The following XIRP2 variants were observed in gnomAD, a reference collection of about 807,000 sequenced individuals.
XIRP2 encodes xin actin-binding repeat-containing protein 2.
XIRP2 carries 236 observed loss-of-function variants against 277.0 expected under a neutral mutation model. The ratio of observed to expected loss-of-function variants is 0.85; its 90% CI spans 0.77 to 0.95. The LOEUF (loss-of-function observed/expected upper bound fraction) is 0.95, where lower values mean the gene tolerates loss of function less well. Among genes scored for constraint, XIRP2 ranks in the 40% least tolerant of loss-of-function variants. XIRP2 has a pLI of 0.00. For missense variants in XIRP2, 4,640 were observed against 4,157.5 expected, an observed-to-expected ratio of 1.12 and a Z score of -3.19; for synonymous variants, 1,490 against 1,416.5, an observed-to-expected ratio of 1.05 and a Z score of -1.17.
chr2:166,910,816 T>C (rs1040538361), intron 2 of XIRP2, among the ~76,000 whole-genome samples: 2 of 152,224 alleles, frequency 1.3e-5, no homozygotes, highest in African/African-American at 4.8e-5. Context: ...TGTTGTGTCT[T>C]TGTTCTCATT....
intron 2 of XIRP2, among the ~76,000 whole-genome samples, chr2:166,909,969 A>T (rs1220760803): frequency 6.6e-6 from 1 of 152,138 alleles, no homozygotes; most frequent in Non-Finnish European, 1.5e-5. Flanking sequence ...AGCCCACTTG[A>T]TCATGGTGGA....
At chr2:167,100,225 CAT>C (rs1446360493) in intron 2 of XIRP2, among the ~76,000 whole-genome samples, 1 of 151,174 alleles carries the variant, frequency 6.6e-6, no homozygotes, top group African/African-American at 2.4e-5. Context: ...AATTTAAAAA[CAT>C]ATAATTTATG....
chr2:167,027,942 T>G (rs561257862), intron 2 of XIRP2, among the ~76,000 whole-genome samples: 1 of 152,164 alleles, frequency 6.6e-6, no homozygotes, highest in Non-Finnish European at 1.5e-5. Flanking sequence ...AATAGTCATG[T>G]CAATAAATGT....
Position 167,134,023 on chromosome 2 carries a change from G to T in XIRP2, c.409-1886G>T, listed in dbSNP as rs554753512. ...GCAATTGTTTTTAGCTTCAGTTAAA[G>T]TTCACTCTAATGAAGACAGCATACA... On this transcript the variant is annotated intron_variant, in intron 2 of 10. Transcript: ENST00000409195. Among the ~76,000 whole-genome samples, 127 of 152,068 alleles carry T rather than the reference G, an allele frequency of 8.4e-4. 1 individual carries two copies. Among genetic ancestry groups the T allele is most frequent in the South Asian group, 8.3e-3 (40 of 4,822 alleles).
chr2:167,249,160 C>G lies in XIRP2; in HGVS notation c.7768C>G (p.Gln2590Glu). Residue 2590 changes from glutamine (Q) to glutamate (E), a missense_variant, in exon 9 of 11, where the codon CAA (glutamine) becomes GAA (glutamate). Gln to Glu is a conservative substitution (Grantham distance 29, BLOSUM62 2). Coordinates refer to ENST00000409195, the MANE Select transcript of XIRP2 (RefSeq NM_152381.6). ...AGAGGTGGAAAAGGAAATGCCATTA[C>G]AAAAAACCAATGAGGAGGTTTCCCT... is the stretch of plus-strand genomic sequence containing the variant. Reference protein sequence around the residue: ...ITEVEKEMPLQKTNEEVSLSG... With the variant: ...ITEVEKEMPLEKTNEEVSLSG... The G allele has an allele frequency of 6.2e-7, 1 of 1,613,628 alleles. No homozygotes were observed. Among genetic ancestry groups the G allele is most frequent in the East Asian group, 2.2e-5 (1 of 44,840 alleles).
chr2:167,159,766 T>A (rs1692309220), intron 3 of XIRP2, among the ~76,000 whole-genome samples: 1 of 152,214 alleles, frequency 6.6e-6, no homozygotes, highest in Admixed American at 6.5e-5. Flanking sequence ...TTCAACATGC[T>A]TAGGACATAA....
chr2:166,891,051 C>A (rs747635650), intron 1 of XIRP2, among the ~76,000 whole-genome samples: 7 of 152,062 alleles, frequency 4.6e-5, no homozygotes, highest in African/African-American at 7.2e-5. Context: ...TGCTATCTGG[C>A]GACGTATGTC....
rs1159166437 is a variant in XIRP2 at position 167,242,935 on chromosome 2, A to T, written c.1543A>T (p.Lys515Ter). Residue 515 changes from lysine to a stop codon, truncating the protein, a stop_gained, in exon 9 of 11, where the codon AAA becomes TAA. Coordinates refer to ENST00000409195, the MANE Select transcript of XIRP2 (RefSeq NM_152381.6). LOFTEE classifies it high-confidence loss of function. ...IHPELRKNLE[K>*]DYISEVSEIV... The stretch of plus-strand genomic sequence containing the variant: ...TCCTGAGTTAAGAAAAAACTTAGAA[A>T]AAGATTATATCAGTGAAGTTTCTGA... The T allele has an allele frequency of 6.2e-7, 1 of 1,613,440 alleles. No individual in the cohort carries two copies.
intron 3 of XIRP2, among the ~76,000 whole-genome samples, chr2:167,141,515 G>A (rs1691717397): frequency 6.6e-6 from 1 of 152,158 alleles, no homozygotes; most frequent in Non-Finnish European, 1.5e-5. Context: ...TAGTGGGAAT[G>A]GTGCATGATG....
rs149107544 is a variant in XIRP2, at chr2:167,215,004, C to T, written c.724-3162C>T. On this transcript the variant is annotated intron_variant, in intron 4 of 10. Coordinates refer to ENST00000409195, the MANE Select transcript of XIRP2 (RefSeq NM_152381.6). ...TACTAAGGCTTGCCAGATTAATTTG[C>T]ACATGATTGGGACATCAGAATAGTT... is the stretch of plus-strand genomic sequence containing the variant. 4.0e-4 allele frequency among the ~76,000 whole-genome samples: 61 copies of T among 152,300 alleles called. No individual in the cohort carries two copies. In the East Asian group the frequency reaches 0.011, roughly 28 times the overall value.
intron 2 of XIRP2, among the ~76,000 whole-genome samples, chr2:166,940,100 T>G (rs1223072215): frequency 6.6e-6 from 1 of 152,198 alleles, no homozygotes; most frequent in Non-Finnish European, 1.5e-5. Context: ...GACTTAGATT[T>G]TTTCTTTCAC....
chr2:167,079,175 T>G (rs1435032124), intron 2 of XIRP2, among the ~76,000 whole-genome samples: 2 of 152,252 alleles, frequency 1.3e-5, no homozygotes, highest in African/African-American at 4.8e-5. Context: ...GATTTGCATA[T>G]GTTGAACCAA....
At chr2:166,913,479 G>A (rs538495774) in intron 2 of XIRP2, among the ~76,000 whole-genome samples, 6 of 152,174 alleles carry the variant, frequency 3.9e-5, no homozygotes, top group Non-Finnish European at 7.4e-5. Context: ...CTTCTGTGTC[G>A]CTCACGCTGG....
intron 2 of XIRP2, among the ~76,000 whole-genome samples, chr2:166,938,158 G>C (rs571623255): frequency 6.6e-6 from 1 of 152,030 alleles, no homozygotes; most frequent in Non-Finnish European, 1.5e-5. Flanking sequence ...GTTTGCTCTT[G>C]CTTTTCTAGT....
At chr2:167,022,967 C>T (rs1351308025) in intron 2 of XIRP2, among the ~76,000 whole-genome samples, 1 of 152,046 alleles carries the variant, frequency 6.6e-6, no homozygotes, top group Non-Finnish European at 1.5e-5. Context: ...TGGGTATATA[C>T]CCAGTAATGG....
intron 2 of XIRP2, among the ~76,000 whole-genome samples, chr2:166,910,520 T>A (rs539354925): frequency 6.2e-4 from 95 of 152,290 alleles, no homozygotes; most frequent in Middle Eastern, 3.4e-3. Flanking sequence ...TTTATTAGTC[T>A]TGCTGATGGT....
chr2:167,164,395 A>C lies in XIRP2; in HGVS notation c.562+28333A>C, dbSNP rs557007265. Among the ~76,000 whole-genome samples, 5 of 150,012 alleles carry C rather than the reference A, an allele frequency of 3.3e-5. No homozygotes were observed. The East Asian group carries it at 1.0e-3, about 30-fold the overall frequency. On this transcript the variant is annotated intron_variant, in intron 3 of 10. Coordinates refer to ENST00000409195, the MANE Select transcript of XIRP2 (RefSeq NM_152381.6). ...CGGGAGGCGGAGCTTGCAGTCAGCCAAGATAGCGCCACTGCAGTCCAGCCT... is the reference window on the plus strand; with the variant it reads ...CGGGAGGCGGAGCTTGCAGTCAGCCCAGATAGCGCCACTGCAGTCCAGCCT...
intron 2 of XIRP2, among the ~76,000 whole-genome samples, chr2:167,074,126 A>G (rs1047622708): frequency 6.6e-6 from 1 of 152,124 alleles, no homozygotes; most frequent in Non-Finnish European, 1.5e-5. Context: ...TGGTTTCATC[A>G]TTCTCTAGAA....
chr2:166,966,567 C>A (rs1009774782), intron 2 of XIRP2, among the ~76,000 whole-genome samples: 1 of 151,866 alleles, frequency 6.6e-6, no homozygotes, highest in Non-Finnish European at 1.5e-5. Context: ...CTTTACTTTC[C>A]TTCTCCCACC....
Sources: allele counts gnomAD v4.1 joint callset (sites outside exome capture counted in the v4.1 genomes callset), GRCh38; gene constraint gnomAD v4.1.1; transcripts MANE v1.5; gene names NCBI Gene and HGNC (gene_info 2026-07-23, HGNC 2026-07-21).